Variants in RFT1 observed in about 807,000 individuals in gnomAD.
RFT1 encodes the protein man(5)GlcNAc(2)-PP-dolichol translocation protein RFT1.
A neutral mutation model predicts 62.2 loss-of-function variants in RFT1; 43 were observed. The ratio of observed to expected loss-of-function variants is 0.69; its 90% CI spans 0.54 to 0.89. The LOEUF is 0.89. Among genes scored for constraint, RFT1 ranks in the 40% least tolerant of loss-of-function variants. The probability of loss-of-function intolerance (pLI) is 0.00; values close to 1 mark genes in which losing one functional copy is unlikely to be tolerated. For missense variants in RFT1, 605 were observed against 649.9 expected (o/e 0.93, Z 0.75); for synonymous variants, 262 against 264.6 (o/e 0.99, Z 0.10).
intron 4 of RFT1, 136 bp from the exon 5 acceptor site, chr3:53,121,936 G>A: frequency 2.7e-6 from 2 of 728,046 alleles, no homozygotes; most frequent in Non-Finnish European, 4.9e-6. Context: ...ATAAGTATCA[G>A]TAACGTTTTA....
intron 6 of RFT1, among the ~76,000 whole-genome samples, chr3:53,112,828 C>T (rs1701690116): frequency 6.6e-6 from 1 of 152,104 alleles, no homozygotes; most frequent in Non-Finnish European, 1.5e-5. Flanking sequence ...GGGTAGAGGT[C>T]AACCTATTAA....
Position 53,119,895 on chromosome 3 carries a change from T to A in RFT1, c.685A>T (p.Thr229Ser), listed in dbSNP as rs1275196905. Residue 229 changes from threonine (T) to serine (S), a missense_variant, in exon 6 of 13, where the codon ACA becomes TCA. Coordinates refer to ENST00000296292, the MANE Select transcript of RFT1 (RefSeq NM_052859.4). ...AATGTATTACTTACTCCATTTCTTG[T>A]AATATTGGGTAACAGATCTGTTATT... ...SRITDLLPNI[T>S]RNGAFINWKE... is the part of the protein sequence containing the mutation. The A allele has an allele frequency of 6.2e-7, 1 of 1,611,064 alleles. No individual in the cohort carries two copies. The highest frequency in any genetic ancestry group is 1.1e-5 in the South Asian group (1 of 90,450).
the RFT1 span, among the ~76,000 whole-genome samples, chr3:53,076,694 T>G: frequency 2.0e-5 from 3 of 152,124 alleles, no homozygotes; most frequent in Non-Finnish European, 4.4e-5. Flanking sequence ...TGGCTCATGC[T>G]TGTAATCCCA....
chr3:53,114,340 G>A (rs1176206729), intron 6 of RFT1, among the ~76,000 whole-genome samples: 3 of 152,174 alleles, frequency 2.0e-5, no homozygotes, highest in Non-Finnish European at 4.4e-5. Flanking sequence ...GAAGATGATT[G>A]AGCTCTTTAA....
chr3:53,074,041 C>T, the RFT1 span, among the ~76,000 whole-genome samples: 1 of 152,116 alleles, frequency 6.6e-6, no homozygotes, highest in African/African-American at 2.4e-5. Flanking sequence ...CTGCGAGGGC[C>T]CAGGTGAGCC....
the RFT1 span, among the ~76,000 whole-genome samples, chr3:53,076,463 C>T: frequency 6.6e-6 from 1 of 152,110 alleles, no homozygotes; most frequent in Admixed American, 6.5e-5. Context: ...ATAATTATAG[C>T]TTGAGGAAAA....
the RFT1 span, among the ~76,000 whole-genome samples, chr3:53,075,719 A>T: frequency 7.2e-5 from 11 of 152,128 alleles, no homozygotes; most frequent in Admixed American, 7.2e-4. Context: ...ACCTTCATGC[A>T]TTCCCTAGGG....
chr3:53,121,629 G>A lies in RFT1; in HGVS notation c.558+70C>T, dbSNP rs1559597059. On this transcript the variant is annotated intron_variant, in intron 5 of 12. Coordinates refer to ENST00000296292, the MANE Select transcript of RFT1 (RefSeq NM_052859.4). ...TACTGTGAATGCAGACCACACGGCGGTGGGAACAAGAAGAAAAACCAGTTG... is the reference window on the plus strand; with the variant it reads ...TACTGTGAATGCAGACCACACGGCGATGGGAACAAGAAGAAAAACCAGTTG... 27 of 1,244,006 alleles carry A rather than the reference G, an allele frequency of 2.2e-5. 1 individual carries two copies. The Middle Eastern group carries it at 7.4e-4, about 34-fold the overall frequency. The allele number at this position is 1,244,006 out of a possible 1,614,324, so 77.1% of individuals were successfully genotyped here. A position where few individuals can be genotyped will look rare whatever the true frequency, so the allele number is the denominator to read the frequency against.
chr3:53,081,892 G>T, the RFT1 span, among the ~76,000 whole-genome samples: 1 of 152,158 alleles, frequency 6.6e-6, no homozygotes, highest in Non-Finnish European at 1.5e-5. Context: ...GCCATGGAAG[G>T]TCAGGGATGG....
chr3:53,122,373 C>CCTTGAG lies in RFT1; in HGVS notation c.451_456dup (p.Leu151_Lys152dup), dbSNP rs750344787. The stretch of plus-strand genomic sequence containing the variant: ...CCATTCACAGCAGAAGGTGCACTGA[C>CCTTGAG]CTTGAGCTTCACAAACATATGTGCT... On this transcript the variant is annotated inframe_insertion and splice_region_variant. Coordinates refer to ENST00000296292, the MANE Select transcript of RFT1 (RefSeq NM_052859.4). 1.1e-4 allele frequency: 172 copies of CCTTGAG among 1,613,776 alleles called. No homozygotes were observed. Among genetic ancestry groups the CCTTGAG allele is most frequent in the Admixed American group, 3.2e-4 (19 of 59,992 alleles).
intron 7 of RFT1, among the ~76,000 whole-genome samples, chr3:53,111,230 T>C (rs1045239122): frequency 2.0e-5 from 3 of 151,720 alleles, no homozygotes; most frequent in Non-Finnish European, 4.4e-5. Context: ...ACGGTGAAAC[T>C]CCGTCTCTAC....
At chr3:53,093,854 C>A (rs1701065411) in intron 11 of RFT1, among the ~76,000 whole-genome samples, 1 of 152,062 alleles carries the variant, frequency 6.6e-6, no homozygotes, top group Admixed American at 6.6e-5. Context: ...GACCGTGTCT[C>A]TACAAAAAAT....
downstream of RFT1, among the ~76,000 whole-genome samples, chr3:53,086,716 T>G (rs1700863050): frequency 6.6e-6 from 1 of 152,112 alleles, no homozygotes. Flanking sequence ...CCAAATCTGG[T>G]CCTTTCTGAC....
intron 7 of RFT1, among the ~76,000 whole-genome samples, chr3:53,110,220 C>A (rs1701607528): frequency 6.6e-6 from 1 of 152,216 alleles, no homozygotes; most frequent in Non-Finnish European, 1.5e-5. Context: ...TGCATATGAG[C>A]AACCGTCCTT....
In RFT1 at chr3:53,091,501, G is replaced by T; in HGVS notation, c.*402C>A. On this transcript the variant is annotated 3_prime_UTR_variant, in exon 13 of 13. Transcript: ENST00000296292. The stretch of plus-strand genomic sequence containing the variant: ...TTTACAGAAGAAGTTCAATATTCCT[G>T]TGAAGGGTAAAATCACTGCATCTCT... 4.0e-6 allele frequency: 1 copy of T among 247,794 alleles called. No individual in the cohort carries two copies. Among genetic ancestry groups the T allele is most frequent in the Non-Finnish European group, 8.1e-6 (1 of 123,610 alleles). 15.3% of individuals were successfully genotyped at this position (247,794 alleles called of 1,614,324 possible). A position where few individuals can be genotyped will look rare whatever the true frequency, so the allele number is the denominator to read the frequency against.
At chr3:53,125,207 T>C (rs1702075794) in intron 2 of RFT1, among the ~76,000 whole-genome samples, 1 of 152,208 alleles carries the variant, frequency 6.6e-6, no homozygotes, top group South Asian at 2.1e-4. Flanking sequence ...GTATTAGACA[T>C]GAAATGCTGT....
intron 6 of RFT1, among the ~76,000 whole-genome samples, chr3:53,113,767 C>G (rs569292093): frequency 5.9e-4 from 90 of 152,268 alleles, no homozygotes; most frequent in Non-Finnish European, 1.1e-3. Flanking sequence ...TGAATTCAGA[C>G]TAGCCATATT....
chr3:53,107,136 G>GTTTT (rs144970745), intron 7 of RFT1, among the ~76,000 whole-genome samples: 3 of 140,314 alleles, frequency 2.1e-5, no homozygotes, highest in African/African-American at 2.6e-5. Context: ...GTCTAAAAAG[G>GTTTT]TTTTTTTTTT....
Position 53,123,876 on chromosome 3 carries a change from GT to G in RFT1, c.150-37del, listed in dbSNP as rs774330828. 10 of 1,535,444 alleles carry G rather than the reference GT, an allele frequency of 6.5e-6. No homozygotes were observed. The East Asian group carries it at 1.3e-4, about 21-fold the overall frequency. ...AAGGGAGAAATCAATAAGGTCTCAA[GT>G]TTTTTCATAGAGAGAACTTCTGGGA... is the stretch of plus-strand genomic sequence containing the variant. On this transcript the variant is annotated intron_variant, in intron 2 of 12. Transcript: ENST00000296292.
Sources: gnomAD v4.1 joint callset for allele counts (sites outside exome capture counted in the v4.1 genomes callset) on GRCh38, gnomAD v4.1.1 for gene constraint, MANE v1.5 for transcripts, NCBI Gene and HGNC (gene_info 2026-07-23, HGNC 2026-07-21) for gene names.